The following NCOA3 variants were observed in gnomAD, a reference collection of about 807,000 sequenced individuals.
The protein encoded by NCOA3 is CBP-interacting protein.
NCOA3 carries 51 observed loss-of-function variants against 158.8 expected under a neutral mutation model. That is an observed-to-expected ratio of 0.32 (90% CI 0.26 to 0.41). NCOA3 has a LOEUF of 0.41. Among genes scored for constraint, NCOA3 ranks in the 10% least tolerant of loss-of-function variants. The pLI is 1.00. For synonymous variants in NCOA3, 537 were observed against 592.4 expected (o/e 0.91, Z 1.36); for missense variants, 1,510 against 1,746.6 (o/e 0.86, Z 2.41).
intron 1 of NCOA3, among the ~76,000 whole-genome samples, chr20:47,556,334 A>G (rs1301467790): frequency 6.6e-6 from 1 of 152,214 alleles, no homozygotes; most frequent in Non-Finnish European, 1.5e-5. Context: ...GTGGCAAGTA[A>G]TTAGCAGTTT....
Position 47,614,180 on chromosome 20 carries a change from G to A in NCOA3, c.-19-8049G>A, listed in dbSNP as rs151279871. Among the ~76,000 whole-genome samples, 508 of 152,002 alleles carry A rather than the reference G, an allele frequency of 3.3e-3. 3 individuals are homozygous for A. Among genetic ancestry groups the A allele is most frequent in the Middle Eastern group, 6.8e-3 (2 of 292 alleles). ...GAGCTCCTCTTATTTTATTAGTAAGGGTATGAATGACGGATTGAAAGAAAG... is the reference window on the plus strand; with the variant it reads ...GAGCTCCTCTTATTTTATTAGTAAGAGTATGAATGACGGATTGAAAGAAAG... On this transcript the variant is annotated intron_variant, in intron 2 of 22. Coordinates refer to ENST00000371998, the MANE Select transcript of NCOA3 (RefSeq NM_181659.3).
At chr20:47,644,720 C>T (rs950639141) in intron 17 of NCOA3, among the ~76,000 whole-genome samples, 6 of 151,656 alleles carry the variant, frequency 4.0e-5, no homozygotes, top group African/African-American at 9.7e-5. Flanking sequence ...ATTTTTGAGA[C>T]GGAGTCTCTC....
Position 47,636,596 on chromosome 20 carries a change from T to C in NCOA3, c.2210T>C (p.Leu737Pro), listed in dbSNP as rs1324603473. The stretch of plus-strand genomic sequence containing the variant: ...CCTAAGAAGAAGGAGAATAATGCAC[T>C]TCTTAGATACCTGCTGGACAGGGAT... The part of the protein sequence containing the change: ...LSPKKKENNA[L>P]LRYLLDRDDP... Residue 737 changes from leucine to proline, a missense_variant, in exon 12 of 23, where the codon CTT becomes CCT. Coordinates refer to ENST00000371998, the MANE Select transcript of NCOA3 (RefSeq NM_181659.3). The C allele has an allele frequency of 1.2e-6, 2 of 1,614,158 alleles. No homozygotes were observed. The highest frequency in any genetic ancestry group is 4.5e-5 in the East Asian group (2 of 44,878).
At chr20:47,594,788 ATTTTTTTTTT>A (rs768342979) in intron 2 of NCOA3, among the ~76,000 whole-genome samples, 5 of 102,442 alleles carry the variant, frequency 4.9e-5, no homozygotes, top group Non-Finnish European at 5.5e-5. Context: ...AGAATACCTG[ATTTTTTTTTT>A]TTTTTTTTTT....
At chr20:47,552,930 A>AT (rs11407921) in intron 1 of NCOA3, among the ~76,000 whole-genome samples, 51,285 of 142,732 alleles carry the variant, frequency 0.36, 9,390 homozygotes, top group East Asian at 0.6. Context: ...ACATGGTTAG[A>AT]TTTTTTTTTT....
At chr20:47,565,747 G>GGT (rs1478622711) in intron 1 of NCOA3, among the ~76,000 whole-genome samples, 5 of 152,078 alleles carry the variant, frequency 3.3e-5, no homozygotes, top group African/African-American at 1.2e-4. Context: ...TGAGGAGGGA[G>GGT]GTGGGGTAAC....
At chr20:47,618,157 C>T (rs998646472) in intron 2 of NCOA3, among the ~76,000 whole-genome samples, 12 of 152,056 alleles carry the variant, frequency 7.9e-5, no homozygotes, top group African/African-American at 2.9e-4. Flanking sequence ...ATCATTTGAA[C>T]CCGGGAGGCG....
chr20:47,630,393 C>T (rs1313154825), intron 8 of NCOA3: 1 of 148,536 alleles, frequency 6.7e-6, no homozygotes, highest in Non-Finnish European at 1.5e-5. Context: ...CCAAACCAAA[C>T]TTGGTTTTCT....
At chr20:47,652,663 TTGGA>T in intron 21 of NCOA3, 83 bp downstream of exon 21, 2 of 1,357,074 alleles carry the variant, frequency 1.5e-6, no homozygotes, top group Non-Finnish European at 1.0e-6. Context: ...TCAAGCCTTT[TTGGA>T]TGGAGAGGTT....
At chr20:47,621,768 C>T (rs1287527715) in intron 2 of NCOA3, among the ~76,000 whole-genome samples, 1 of 150,126 alleles carries the variant, frequency 6.7e-6, no homozygotes, top group East Asian at 2.0e-4. Context: ...ATTCTCCTGC[C>T]TCAGCCTCCC....
At chr20:47,612,717 C>T (rs539637264) in intron 2 of NCOA3, among the ~76,000 whole-genome samples, 2 of 152,152 alleles carry the variant, frequency 1.3e-5, no homozygotes, top group East Asian at 3.8e-4. Flanking sequence ...GAGATAGATT[C>T]AGTGTATTAA....
chr20:47,502,149 C>A, intron 1 of NCOA3, 130 bp downstream of exon 1: 1 of 397,594 alleles, frequency 2.5e-6, no homozygotes, highest in South Asian at 1.3e-4. Context: ...AGGGGCGCGC[C>A]GGCCGGGGGA....
At chr20:47,585,053 T>TC (rs1406034710) in intron 2 of NCOA3, among the ~76,000 whole-genome samples, 1 of 122,512 alleles carries the variant, frequency 8.2e-6, no homozygotes, top group Non-Finnish European at 1.9e-5. Flanking sequence ...TAACTTTTTT[T>TC]TTTTTTTTTT....
chr20:47,522,406 C>CTTTTTTTTTTTTTTTTTTTTTTT (rs3091963), intron 1 of NCOA3, among the ~76,000 whole-genome samples: 1 of 128,164 alleles, frequency 7.8e-6, no homozygotes, highest in African/African-American at 3.0e-5. Flanking sequence ...GCGCCCGGCC[C>CTTTTTTTTTTTTTTTTTTTTTTT]TTTTTTTTTT....
intron 3 of NCOA3, 106 bp from the exon 4 acceptor site, chr20:47,623,805 A>C (rs1335084104): frequency 9.0e-7 from 1 of 1,111,466 alleles, no homozygotes; most frequent in Non-Finnish European, 1.3e-6. Flanking sequence ...AAAAAAAAAA[A>C]AAGTAATCAT....
intron 1 of NCOA3, among the ~76,000 whole-genome samples, chr20:47,542,087 A>G (rs778626776): frequency 7.1e-6 from 1 of 140,200 alleles, no homozygotes; most frequent in South Asian, 2.3e-4. Flanking sequence ...CTGGAGTGCA[A>G]TGCTGTGATC....
At chr20:47,609,411 C>CTAA (rs1481935806) in intron 2 of NCOA3, among the ~76,000 whole-genome samples, 12 of 152,122 alleles carry the variant, frequency 7.9e-5, no homozygotes, top group Non-Finnish European at 1.3e-4. Flanking sequence ...CAGATATTCT[C>CTAA]TAATAATAAT....
chr20:47,612,271 A>T (rs1415674754), intron 2 of NCOA3, among the ~76,000 whole-genome samples: 3 of 152,184 alleles, frequency 2.0e-5, no homozygotes, highest in South Asian at 2.1e-4. Context: ...TTAAAAAAAA[A>T]ATTTGTAAAA....
intron 2 of NCOA3, among the ~76,000 whole-genome samples, chr20:47,586,844 C>T (rs748103359): frequency 1.5e-4 from 23 of 152,148 alleles, no homozygotes; most frequent in Non-Finnish European, 2.5e-4. Context: ...ATACTGCATC[C>T]GCAATGTGAT....
Sources: gnomAD v4.1 joint callset for allele counts (sites outside exome capture counted in the v4.1 genomes callset) on GRCh38, gnomAD v4.1.1 for gene constraint, MANE v1.5 for transcripts, NCBI Gene and HGNC (gene_info 2026-07-23, HGNC 2026-07-21) for gene names.